Variants in VSTM4 observed in about 807,000 individuals in gnomAD.
VSTM4 encodes V-set and transmembrane domain containing 4, also known as V-set and transmembrane domain-containing protein 4.
Under a neutral mutation model 36.4 loss-of-function variants are expected in VSTM4, and 20 were observed. The ratio of observed to expected loss-of-function variants is 0.55; its 90% confidence interval spans 0.39 to 0.80. The LOEUF is 0.80. VSTM4 is among the 30% of genes least tolerant of loss of function. VSTM4 has a pLI of 0.00. For missense variants in VSTM4, 392 were observed against 404.5 expected (o/e 0.97, Z 0.26); for synonymous variants, 182 against 173.9 (o/e 1.05, Z -0.37).
chr10:49,112,030 G>A (rs932623566), intron 1 of VSTM4, among the ~76,000 whole-genome samples: 1 of 152,182 alleles, frequency 6.6e-6, no homozygotes, highest in African/African-American at 2.4e-5. Context: ...TGAGGCAAGA[G>A]GGACCCTGTA....
intron 1 of VSTM4, among the ~76,000 whole-genome samples, chr10:49,111,820 C>T (rs1844899354): frequency 6.6e-6 from 1 of 152,184 alleles, no homozygotes; most frequent in South Asian, 2.1e-4. Context: ...GAGAATATAA[C>T]TACAGTGTCA....
chr10:49,100,569 A>T lies in VSTM4; in HGVS notation c.457+7025T>A, dbSNP rs79342090. ...CGAGAGTCATGTGAAAAAAAATTGT[A>T]CTGAAAGACATTTAAAAAAAAAACC... is the stretch of plus-strand genomic sequence containing the variant. On this transcript the variant is annotated intron_variant, in intron 2 of 7. Coordinates refer to ENST00000332853, the MANE Select transcript of VSTM4 (RefSeq NM_001031746.5). Among the ~76,000 whole-genome samples, 311 of 152,270 alleles carry T rather than the reference A, an allele frequency of 2.0e-3. 3 individuals carry two copies. The East Asian group carries it at 0.022, about 11-fold the overall frequency.
chr10:49,026,378 T>A (rs1312379706), intron 7 of VSTM4, among the ~76,000 whole-genome samples: 2 of 152,190 alleles, frequency 1.3e-5, no homozygotes, highest in Non-Finnish European at 2.9e-5. Flanking sequence ...TTCTATAATA[T>A]GTCTATTAAG....
At chr10:49,087,737 T>A (rs143838818) in intron 2 of VSTM4, among the ~76,000 whole-genome samples, 3 of 152,136 alleles carry the variant, frequency 2.0e-5, no homozygotes, top group Middle Eastern at 3.4e-3. Context: ...CTCCATAGCT[T>A]CTCTCAACTA....
chr10:49,068,560 A>G (rs1207320525), intron 4 of VSTM4, among the ~76,000 whole-genome samples: 1 of 152,194 alleles, frequency 6.6e-6, no homozygotes, highest in Non-Finnish European at 1.5e-5. Flanking sequence ...CACAGGATCA[A>G]AAGTGATTCT....
At chr10:49,108,939 T>A (rs1239707939) in intron 1 of VSTM4, among the ~76,000 whole-genome samples, 1 of 152,276 alleles carries the variant, frequency 6.6e-6, no homozygotes, top group East Asian at 1.9e-4. Context: ...TACCCTGGAC[T>A]GCCCAGTGCG....
chr10:49,087,318 T>C (rs1485156523), intron 2 of VSTM4, among the ~76,000 whole-genome samples: 2 of 152,244 alleles, frequency 1.3e-5, no homozygotes, highest in African/African-American at 2.4e-5. Flanking sequence ...ATTATTTTAA[T>C]GTCTATGCCT....
Position 49,017,633 on chromosome 10 carries a change from T to C in VSTM4, c.*2017A>G, listed in dbSNP as rs1843122511. The stretch of plus-strand genomic sequence containing the variant: ...GGGTGAATGAAGTTCATTTCCGTTC[T>C]GTAGAGGCCTAAGGGGCCTGGGAAG... On this transcript the variant is annotated 3_prime_UTR_variant, in exon 8 of 8. Transcript: ENST00000332853. 1 of 152,232 alleles carries C rather than the reference T, an allele frequency of 6.6e-6. No homozygotes were observed. The highest frequency in any genetic ancestry group is 1.5e-5 in the Non-Finnish European group (1 of 68,052). 9.4% of individuals were successfully genotyped at this position (152,232 alleles called of 1,614,324 possible).
intron 7 of VSTM4, among the ~76,000 whole-genome samples, chr10:49,028,351 T>C (rs1341047702): frequency 6.6e-6 from 1 of 152,234 alleles, no homozygotes; most frequent in Non-Finnish European, 1.5e-5. Flanking sequence ...ATGGCCTGTC[T>C]AGCCTTCTGT....
chr10:49,038,929 G>A (rs1816307420), intron 7 of VSTM4, among the ~76,000 whole-genome samples: 3 of 152,122 alleles, frequency 2.0e-5, no homozygotes, highest in African/African-American at 7.2e-5. Context: ...CTGTGGAGGA[G>A]CAACAGCCAG....
chr10:49,111,849 G>A (rs1198049173), intron 1 of VSTM4, among the ~76,000 whole-genome samples: 2 of 152,224 alleles, frequency 1.3e-5, no homozygotes, highest in African/African-American at 4.8e-5. Flanking sequence ...AGAGAAAAGT[G>A]CAGGGTTTAA....
intron 7 of VSTM4, among the ~76,000 whole-genome samples, chr10:49,029,621 T>C (rs984519311): frequency 6.6e-6 from 1 of 152,224 alleles, no homozygotes; most frequent in Admixed American, 6.5e-5. Flanking sequence ...ATGCCTTGTA[T>C]CCAGGTGAGC....
At chr10:49,068,428 C>A (rs1844012621) in intron 4 of VSTM4, among the ~76,000 whole-genome samples, 1 of 152,100 alleles carries the variant, frequency 6.6e-6, no homozygotes, top group Non-Finnish European at 1.5e-5. Context: ...GGCCAGGAGC[C>A]CGATGAGGCC....
intron 7 of VSTM4, among the ~76,000 whole-genome samples, chr10:49,022,285 T>C (rs1843193770): frequency 6.6e-6 from 1 of 152,156 alleles, no homozygotes; most frequent in Admixed American, 6.5e-5. Context: ...GTTTTGTTGT[T>C]GTTTGATGGA....
intron 2 of VSTM4, chr10:49,102,818 T>G (rs1359850410): frequency 1.1e-6 from 1 of 891,616 alleles, no homozygotes; most frequent in Admixed American, 6.2e-5. Context: ...CAGGCACTGT[T>G]GCAGGCATTC....
At chr10:49,091,616 G>T (rs796945865) in intron 2 of VSTM4, among the ~76,000 whole-genome samples, 1 of 152,296 alleles carries the variant, frequency 6.6e-6, no homozygotes, top group African/African-American at 2.4e-5. Flanking sequence ...GGGAGGGCAT[G>T]TTTCACAGGT....
Position 49,019,415 on chromosome 10 carries a change from A to T in VSTM4, c.*235T>A, listed in dbSNP as rs1843146519. On this transcript the variant is annotated 3_prime_UTR_variant, in exon 8 of 8. Coordinates refer to ENST00000332853, the MANE Select transcript of VSTM4 (RefSeq NM_001031746.5). ...TCTCAGGATCAGAATCCTTACGCTC[A>T]GGGCTCAAACCCAGGCGCATCTTGT... 3 of 380,842 alleles carry T rather than the reference A, an allele frequency of 7.9e-6. No individual in the cohort carries two copies. The highest frequency in any genetic ancestry group is 1.3e-4 in the South Asian group (1 of 7,570). The allele number at this position is 380,842 out of a possible 1,614,324, so 23.6% of individuals were successfully genotyped here. A position where few individuals can be genotyped will look rare whatever the true frequency, so the allele number is the denominator to read the frequency against.
intron 6 of VSTM4, 50 bp downstream of exon 6, chr10:49,048,428 G>A (rs746832707): frequency 1.6e-5 from 24 of 1,496,038 alleles, no homozygotes; most frequent in Admixed American, 7.0e-5. Context: ...AGACCCACAG[G>A]GATCAATAAT....
At chr10:49,063,326 AC>A (rs1843915349) in intron 5 of VSTM4, among the ~76,000 whole-genome samples, 1 of 151,920 alleles carries the variant, frequency 6.6e-6, no homozygotes, top group African/African-American at 2.4e-5. Flanking sequence ...CAAGAGTGAA[AC>A]TCCATCTCAT....
Sources: allele counts gnomAD v4.1 joint callset (sites outside exome capture counted in the v4.1 genomes callset), GRCh38; gene constraint gnomAD v4.1.1; transcripts MANE v1.5; gene names NCBI Gene and HGNC (gene_info 2026-07-23, HGNC 2026-07-21).